The following PCBP3 variants were observed in gnomAD, a reference collection of about 807,000 sequenced individuals.
PCBP3 encodes poly(rC)-binding protein 3.
In PCBP3, 25 loss-of-function variants were observed where a neutral mutation model predicts 52.7. The ratio of observed to expected loss-of-function variants is 0.47; its 90% CI spans 0.35 to 0.66. The LOEUF is 0.66. Ranked by LOEUF, PCBP3 falls within the 30% of genes least tolerant of loss-of-function variation. The probability of loss-of-function intolerance (pLI) is 0.01; values close to 1 mark genes in which losing one functional copy is unlikely to be tolerated. For synonymous variants in PCBP3, 162 were observed against 183.0 expected (o/e 0.89, Z 0.93); for missense variants, 391 against 490.3 (o/e 0.80, Z 1.91).
intron 2 of PCBP3, among the ~76,000 whole-genome samples, chr21:45,698,725 A>T (rs1251687995): frequency 2.0e-5 from 3 of 152,236 alleles, no homozygotes; most frequent in Admixed American, 6.5e-5. Context: ...TGTGAACATT[A>T]TGCACCATTA....
intron 5 of PCBP3, among the ~76,000 whole-genome samples, chr21:45,866,858 G>A (rs950971507): frequency 2.6e-5 from 4 of 152,102 alleles, no homozygotes; most frequent in Non-Finnish European, 5.9e-5. Context: ...ACGGAGATGC[G>A]TGTACTAGGG....
intron 5 of PCBP3, among the ~76,000 whole-genome samples, chr21:45,850,377 GC>G (rs1405087134): frequency 6.6e-6 from 1 of 152,174 alleles, no homozygotes; most frequent in African/African-American, 2.4e-5. Context: ...CCTGGAGCCA[GC>G]CCCGAGAAGC....
intron 9 of PCBP3, 35 bp downstream of exon 9, chr21:45,901,148 C>CG: frequency 6.9e-7 from 1 of 1,457,486 alleles, no homozygotes. Flanking sequence ...GCCAGCCTGG[C>CG]GGGGGCAGGC....
chr21:45,889,304 C>T lies in PCBP3; in HGVS notation c.11-6904C>T, dbSNP rs8131435. Among the ~76,000 whole-genome samples the T allele has an allele frequency of 1.4e-3, 215 of 152,314 alleles. 1 individual carries two copies. The highest frequency in any genetic ancestry group is 4.8e-3 in the African/African-American group (201 of 41,564). On this transcript the variant is annotated intron_variant, in intron 5 of 17. Transcript: ENST00000681687. ...CAGCAGCCTCTGATTTGCCTTCCTC[C>T]GACTGCAAAAGTCGTTAAATCACAT... is the stretch of plus-strand genomic sequence containing the variant.
intron 9 of PCBP3, 42 bp from the exon 10 acceptor site, chr21:45,909,313 A>G (rs1267353856): frequency 1.9e-6 from 3 of 1,593,958 alleles, no homozygotes; most frequent in Non-Finnish European, 2.6e-6. Context: ...TTCTCACTGC[A>G]CGACGCCTGA....
chr21:45,696,205 G>T (rs1382808547), intron 2 of PCBP3, among the ~76,000 whole-genome samples: 4 of 151,316 alleles, frequency 2.6e-5, no homozygotes. Flanking sequence ...TTGGACCTAA[G>T]TGTTAAAGGA....
intron 2 of PCBP3, among the ~76,000 whole-genome samples, chr21:45,709,533 G>A (rs2083687116): frequency 6.6e-6 from 1 of 151,992 alleles, no homozygotes. Context: ...TTCCCAACAT[G>A]TTCAGACTAA....
In PCBP3 at chr21:45,924,809, G is replaced by A. The variant is rs78494711; in HGVS notation, c.718-5108G>A. On this transcript the variant is annotated intron_variant, in intron 13 of 17. Coordinates refer to ENST00000681687, the MANE Select transcript of PCBP3 (RefSeq NM_001384156.1). Reference sequence around the variant, plus strand: ...ACAGCACACGTAAGATCGGGTGTGCGTGAGGAGATGCGAACACCGGGAACA... The same window carrying A: ...ACAGCACACGTAAGATCGGGTGTGCATGAGGAGATGCGAACACCGGGAACA... Among the ~76,000 whole-genome samples the A allele has an allele frequency of 1.5e-3, 67 of 43,660 alleles. 7 individuals are homozygous for A. Among genetic ancestry groups the A allele is most frequent in the Middle Eastern group, 0.016 (1 of 62 alleles). 28.6% of individuals were successfully genotyped at this position (43,660 alleles called of 152,430 possible).
intron 5 of PCBP3, among the ~76,000 whole-genome samples, chr21:45,884,896 C>T (rs894278674): frequency 8.5e-5 from 13 of 152,098 alleles, no homozygotes; most frequent in Non-Finnish European, 1.3e-4. Context: ...TAAATATTTC[C>T]TAAGCATTCT....
At chr21:45,663,472 G>A (rs568569710) in intron 1 of PCBP3, among the ~76,000 whole-genome samples, 2 of 152,062 alleles carry the variant, frequency 1.3e-5, no homozygotes, top group Non-Finnish European at 2.9e-5. Flanking sequence ...CTGTGGGGCT[G>A]GTCCCTACAT....
At chr21:45,679,551 T>G (rs1232822431) in intron 2 of PCBP3, among the ~76,000 whole-genome samples, 1 of 152,200 alleles carries the variant, frequency 6.6e-6, no homozygotes, top group East Asian at 1.9e-4. Context: ...TCATGTGACT[T>G]GCTTTAATTT....
At chr21:45,899,475 C>A in intron 6 of PCBP3, 124 bp from the exon 7 acceptor site, 1 of 701,956 alleles carries the variant, frequency 1.4e-6, no homozygotes, top group Non-Finnish European at 2.6e-6. Flanking sequence ...TCTTCATGCA[C>A]ACCGGGAAGG....
intron 6 of PCBP3, among the ~76,000 whole-genome samples, chr21:45,898,087 A>G (rs1421930001): frequency 6.6e-6 from 1 of 152,074 alleles, no homozygotes; most frequent in South Asian, 2.1e-4. Context: ...TCATTCCTGC[A>G]GTGGAGACAG....
chr21:45,651,121 A>G (rs1000726600), intron 1 of PCBP3, among the ~76,000 whole-genome samples: 8 of 152,178 alleles, frequency 5.3e-5, no homozygotes, highest in African/African-American at 1.9e-4. Flanking sequence ...GCCTGCTTAA[A>G]TTCGTGACTC....
Position 45,827,145 on chromosome 21 carries a change from C to T in PCBP3, c.-125-22816C>T, listed in dbSNP as rs1163401195. Among the ~76,000 whole-genome samples, 1 of 152,192 alleles carries T rather than the reference C, an allele frequency of 6.6e-6. No homozygotes were observed. The highest frequency in any genetic ancestry group is 2.4e-5 in the African/African-American group (1 of 41,452). ...CACGGGGACTGGAGCTCCCTACCTG[C>T]TCAGGATCTCCTTCCCATTTGGGCA... On this transcript the variant is annotated intron_variant, in intron 4 of 17. Coordinates refer to ENST00000681687, the MANE Select transcript of PCBP3 (RefSeq NM_001384156.1). This position sits in a 1 kb window ranked among gnomAD's most constrained non-coding sequence, Gnocchi z 4.3.
rs955401443 is a variant in PCBP3 at position 45,817,504 on chromosome 21, C to T, written c.-125-32457C>T. Among the ~76,000 whole-genome samples the T allele has an allele frequency of 6.6e-6, 1 of 152,250 alleles. No individual in the cohort carries two copies. Among genetic ancestry groups the T allele is most frequent in the Non-Finnish European group, 1.5e-5 (1 of 68,044 alleles). On this transcript the variant is annotated intron_variant, in intron 4 of 17. Coordinates refer to ENST00000681687, the MANE Select transcript of PCBP3 (RefSeq NM_001384156.1). This position sits in a 1 kb window ranked among gnomAD's most constrained non-coding sequence, Gnocchi z 4.3. Reference sequence around the variant, plus strand: ...GCTCTTGCCTCTGCTGTCCCCATCTCCCATATTCCAGCTGCTGCCGCAGCC... The same window carrying T: ...GCTCTTGCCTCTGCTGTCCCCATCTTCCATATTCCAGCTGCTGCCGCAGCC...
At chr21:45,902,642 C>T (rs890587663) in intron 9 of PCBP3, among the ~76,000 whole-genome samples, 2 of 152,320 alleles carry the variant, frequency 1.3e-5, no homozygotes, top group East Asian at 1.9e-4. Flanking sequence ...CCAAGAGCGC[C>T]GTTACCCAAC....
At position 45,735,402 on chromosome 21, in the gene PCBP3, A is replaced by G. The variant is rs914243; in HGVS notation, c.-189A>G. On this transcript the variant is annotated 5_prime_UTR_variant, in exon 3 of 18. Coordinates refer to ENST00000681687, the MANE Select transcript of PCBP3 (RefSeq NM_001384156.1). The surrounding 1 kb of genome is among the most constrained non-coding windows in gnomAD (Gnocchi z 4.0). ...TTCAACTGTTTACAGGACTGTCTAC[A>G]AGAGAGAAGCTCCCCACGTGGTTCC... is the stretch of plus-strand genomic sequence containing the variant. 0.43 allele frequency: 65,152 copies of G among 152,062 alleles called. 16,230 individuals are homozygous for G. Among genetic ancestry groups the G allele is most frequent in the African/African-American group, 0.69 (28,559 of 41,472 alleles). The allele number at this position is 152,062 out of a possible 1,614,324, so 9.4% of individuals were successfully genotyped here. A position where few individuals can be genotyped will look rare whatever the true frequency, so the allele number is the denominator to read the frequency against.
At chr21:45,898,496 C>T (rs138242865) in intron 6 of PCBP3, among the ~76,000 whole-genome samples, 9 of 150,228 alleles carry the variant, frequency 6.0e-5, no homozygotes, top group African/African-American at 2.2e-4. Context: ...CCCCTCTGCT[C>T]GCCATCCTGA....
Sources: allele counts gnomAD v4.1 joint callset (sites outside exome capture counted in the v4.1 genomes callset), GRCh38; gene constraint gnomAD v4.1.1; non-coding constraint Gnocchi (gnomAD v3.1); transcripts MANE v1.5; gene names NCBI Gene and HGNC (gene_info 2026-07-23, HGNC 2026-07-21).